Variants in SCFD2 observed in about 807,000 individuals in gnomAD.
SCFD2 encodes the protein sec1 family domain containing 2.
A neutral mutation model predicts 58.9 loss-of-function variants in SCFD2; 54 were observed. The observed-to-expected ratio is 0.92, with a 90% confidence interval of 0.74 to 1.15. The LOEUF (loss-of-function observed/expected upper bound fraction) is 1.15. Ranked by LOEUF, SCFD2 falls within the 50% of genes most tolerant of loss-of-function variation. The pLI, the probability that SCFD2 is intolerant of heterozygous loss-of-function variation, is 0.00. For synonymous variants in SCFD2, 321 were observed against 335.9 expected (o/e 0.96, Z 0.49); for missense variants, 805 against 836.6 (o/e 0.96, Z 0.47).
At chr4:53,200,148 G>C (rs1344924295) in intron 4 of SCFD2, among the ~76,000 whole-genome samples, 2 of 152,084 alleles carry the variant, frequency 1.3e-5, no homozygotes, top group African/African-American at 4.8e-5. Context: ...GGTTTTGGCA[G>C]AACACAATTC....
chr4:53,216,533 C>A (rs1300992601), intron 4 of SCFD2, among the ~76,000 whole-genome samples: 1 of 152,070 alleles, frequency 6.6e-6, no homozygotes, highest in Middle Eastern at 3.2e-3. Context: ...TGATTCTTCT[C>A]TCTTTTTTTC....
intron 4 of SCFD2, among the ~76,000 whole-genome samples, chr4:53,257,998 G>A (rs1730700312): frequency 2.6e-5 from 4 of 152,092 alleles, no homozygotes; most frequent in Admixed American, 2.6e-4. Context: ...ATAAGATTTA[G>A]GAAGTAGAAG....
chr4:53,359,354 A>T lies in SCFD2; in HGVS notation c.838+5750T>A, dbSNP rs181738320. ...ATATAAATTAACGTCTAAATCAAAG[A>T]CTGAAAAATGTATTTCCTTTTGGTC... On this transcript the variant is annotated intron_variant, in intron 1 of 8. Coordinates refer to ENST00000401642, the MANE Select transcript of SCFD2 (RefSeq NM_152540.4). 2.2e-4 allele frequency among the ~76,000 whole-genome samples: 34 copies of T among 152,334 alleles called. No homozygotes were observed. In the East Asian group the frequency reaches 4.2e-3, roughly 19 times the overall value.
intron 5 of SCFD2, among the ~76,000 whole-genome samples, chr4:53,000,817 G>A (rs567304107): frequency 1.3e-5 from 2 of 152,332 alleles, no homozygotes; most frequent in South Asian, 2.1e-4. Context: ...TTGATTGACA[G>A]GAGGCAGAGC....
chr4:53,262,485 G>C (rs1730858442), intron 4 of SCFD2, among the ~76,000 whole-genome samples: 1 of 152,170 alleles, frequency 6.6e-6, no homozygotes, highest in Non-Finnish European at 1.5e-5. Context: ...GTCTAGAAAA[G>C]ACTGTATCTT....
chr4:53,335,222 A>G (rs1346628971), intron 2 of SCFD2, among the ~76,000 whole-genome samples: 1 of 151,502 alleles, frequency 6.6e-6, no homozygotes, highest in South Asian at 2.1e-4. Context: ...AACAACAAAA[A>G]AAAAAACAAC....
At chr4:53,064,547 ACT>A (rs1472437149) in intron 5 of SCFD2, among the ~76,000 whole-genome samples, 1 of 152,112 alleles carries the variant, frequency 6.6e-6, no homozygotes, top group African/African-American at 2.4e-5. Context: ...TCTCTTGGAA[ACT>A]CTGAGGACAA....
At chr4:53,184,010 C>T (rs770074227) in intron 4 of SCFD2, among the ~76,000 whole-genome samples, 5 of 152,072 alleles carry the variant, frequency 3.3e-5, no homozygotes, top group Non-Finnish European at 7.4e-5. Context: ...ACAACAAATG[C>T]CTTTCAGAGA....
chr4:53,024,085 A>G (rs977137479), intron 5 of SCFD2, among the ~76,000 whole-genome samples: 3 of 152,142 alleles, frequency 2.0e-5, no homozygotes, highest in Admixed American at 6.5e-5. Context: ...CAACCAACCA[A>G]TGGAAACCTG....
At chr4:52,951,759 G>C (rs1720599502) in intron 5 of SCFD2, among the ~76,000 whole-genome samples, 1 of 152,208 alleles carries the variant, frequency 6.6e-6, no homozygotes. Flanking sequence ...GCTTTGAGCT[G>C]TCTGAGCCTC....
chr4:53,130,988 A>C (rs1312126874), intron 5 of SCFD2, among the ~76,000 whole-genome samples: 1 of 152,240 alleles, frequency 6.6e-6, no homozygotes, highest in African/African-American at 2.4e-5. Context: ...ACGCAAATAT[A>C]AAAGGCAAAC....
intron 5 of SCFD2, among the ~76,000 whole-genome samples, chr4:53,088,762 C>T (rs1337657898): frequency 1.3e-5 from 2 of 152,034 alleles, no homozygotes; most frequent in African/African-American, 4.8e-5. Flanking sequence ...TGGAATGAAT[C>T]AAGATTTTGA....
intron 5 of SCFD2, among the ~76,000 whole-genome samples, chr4:53,087,866 G>A (rs1724357844): frequency 6.6e-6 from 1 of 150,704 alleles, no homozygotes; most frequent in African/African-American, 2.4e-5. Flanking sequence ...TCACCATCTT[G>A]GCCAGGCTGG....
At chr4:53,078,483 G>A (rs1375514923) in intron 5 of SCFD2, among the ~76,000 whole-genome samples, 3 of 152,168 alleles carry the variant, frequency 2.0e-5, no homozygotes, top group East Asian at 3.8e-4. Flanking sequence ...TAAAAAGTGT[G>A]CAATGTGTGC....
intron 3 of SCFD2, among the ~76,000 whole-genome samples, chr4:53,308,665 T>C (rs1188871743): frequency 6.6e-6 from 1 of 152,266 alleles, no homozygotes; most frequent in East Asian, 1.9e-4. Context: ...AAACAGGAAG[T>C]AGAACACTCT....
At chr4:52,925,945 C>G (rs1341388943) in intron 5 of SCFD2, among the ~76,000 whole-genome samples, 2 of 152,094 alleles carry the variant, frequency 1.3e-5, no homozygotes, top group Non-Finnish European at 2.9e-5. Context: ...CAAAATAGGG[C>G]TCCTGTGTCA....
At chr4:53,137,969 C>T (rs1465328455) in intron 5 of SCFD2, among the ~76,000 whole-genome samples, 2 of 152,148 alleles carry the variant, frequency 1.3e-5, no homozygotes, top group Non-Finnish European at 2.9e-5. Context: ...CTGGCCAGAG[C>T]CCCCAGGGCT....
intron 5 of SCFD2, among the ~76,000 whole-genome samples, chr4:52,932,475 T>C (rs1040524621): frequency 1.3e-5 from 2 of 152,342 alleles, no homozygotes; most frequent in Admixed American, 6.5e-5. Context: ...TCCATTATGC[T>C]TTTTGAGGTC....
At chr4:52,956,080 G>T (rs1720705555) in intron 5 of SCFD2, 1 of 456,568 alleles carries the variant, frequency 2.2e-6, no homozygotes, top group South Asian at 1.6e-5. Flanking sequence ...CTCCCAGCTT[G>T]AGGTCTCTGA....
Sources: allele counts gnomAD v4.1 joint callset (sites outside exome capture counted in the v4.1 genomes callset), GRCh38; gene constraint gnomAD v4.1.1; transcripts MANE v1.5; gene names NCBI Gene and HGNC (gene_info 2026-07-23, HGNC 2026-07-21).